Variants in VWF observed in about 807,000 individuals in gnomAD.
The protein encoded by VWF is von Willebrand factor.
VWF carries 176 observed loss-of-function variants against 308.6 expected under a neutral mutation model. That is an observed-to-expected ratio of 0.57 (90% CI 0.50 to 0.65). The LOEUF is 0.65. Among genes scored for constraint, VWF ranks in the 30% least tolerant of loss-of-function variants. The pLI is 0.00. For missense variants in VWF, 3,146 were observed against 3,648.2 expected (o/e 0.86, Z 3.55); for synonymous variants, 1,385 against 1,443.4 (o/e 0.96, Z 0.92).
chr12:6,123,041 G>GCA, intron 2 of VWF, 101 bp downstream of exon 2: 1 of 1,460,188 alleles, frequency 6.8e-7, no homozygotes, highest in South Asian at 1.1e-5. Flanking sequence ...TTAGGGCTGG[G>GCA]CACACAGGTG....
chr12:6,123,706 G>T (rs1945457439), intron 1 of VWF, among the ~76,000 whole-genome samples: 1 of 152,174 alleles, frequency 6.6e-6, no homozygotes, highest in Non-Finnish European at 1.5e-5. Context: ...AAGAGCAAAG[G>T]CTGTCTCCCT....
chr12:6,036,446 A>C lies in VWF; in HGVS notation c.2488T>G (p.Phe830Val). ...RCVALERCPC[F>V]HQGKEYAPGE... ...GGGGCATACTCCTTGCCCTGATGGAAGCAGGGACACCTTTCCAGGGCCACA... is the reference window on the plus strand; with the variant it reads ...GGGGCATACTCCTTGCCCTGATGGACGCAGGGACACCTTTCCAGGGCCACA... Residue 830 changes from phenylalanine (F) to valine (V), a missense_variant, in exon 19 of 52, where the codon TTC becomes GTC. Coordinates refer to ENST00000261405, the MANE Select transcript of VWF (RefSeq NM_000552.5). 6.2e-7 allele frequency: 1 copy of C among 1,614,232 alleles called. No individual in the cohort carries two copies. The highest frequency in any genetic ancestry group is 1.1e-5 in the South Asian group (1 of 91,086).
intron 43 of VWF, among the ~76,000 whole-genome samples, chr12:5,971,927 T>C (rs1943482262): frequency 6.6e-6 from 1 of 152,204 alleles, no homozygotes; most frequent in Admixed American, 6.5e-5. Context: ...GATATAATTC[T>C]GCCCCCTGAA....
chr12:6,112,728 C>G (rs1466744521), intron 3 of VWF, among the ~76,000 whole-genome samples: 1 of 152,008 alleles, frequency 6.6e-6, no homozygotes, highest in Non-Finnish European at 1.5e-5. Flanking sequence ...GGAGCTGGGG[C>G]AGAGGTCTCC....
Position 5,968,135 on chromosome 12 carries a change from C to G in VWF, c.7762G>C (p.Val2588Leu). ...AGAGGACAGCGGCTCACCCCAATGA[C>G]AGTGCCATTGAGCATGCAGGCCTCC... ...RMEACMLNGTVIGPGKTVMID... is the reference protein window; with the variant it reads ...RMEACMLNGTLIGPGKTVMID... The change falls in exon 46 of 52, where the codon GTC becomes CTC. Residue 2588 changes from valine to leucine, a missense_variant. Physicochemically the swap from Val to Leu is conservative, Grantham distance 32 (BLOSUM62 1). Transcript: ENST00000261405. 6.2e-7 allele frequency: 1 copy of G among 1,614,158 alleles called. No homozygotes were observed.
In VWF at chr12:5,994,052, G is replaced by A; in HGVS notation, c.6408C>T (p.Ser2136=). Residue 2136 remains serine (S), a synonymous_variant, in exon 37 of 52, where the codon AGC becomes AGT. Coordinates refer to ENST00000261405, the MANE Select transcript of VWF (RefSeq NM_000552.5). ...GTAAGAGGAGGACCTGGCAGTGGGA[G>A]CTGTCGGGGACAAGACACTGCTCCT... ...ILEEQCLVPD[S]SHCQVLLLPL... 1 of 1,614,208 alleles carries A rather than the reference G, an allele frequency of 6.2e-7. No homozygotes were observed. Among genetic ancestry groups the A allele is most frequent in the African/African-American group, 1.3e-5 (1 of 75,042 alleles).
chr12:6,090,050 C>T (rs1387165586), intron 6 of VWF, among the ~76,000 whole-genome samples: 1 of 152,110 alleles, frequency 6.6e-6, no homozygotes, highest in African/African-American at 2.4e-5. Flanking sequence ...CTCTGCCTCC[C>T]AGGTTCATGC....
intron 50 of VWF, among the ~76,000 whole-genome samples, chr12:5,950,426 A>T (rs1465096140): frequency 6.6e-6 from 1 of 152,044 alleles, no homozygotes; most frequent in African/African-American, 2.4e-5. Context: ...GGTTGCTGAC[A>T]TGGGGGTTTC....
chr12:6,027,338 C>T (rs1944206696), intron 22 of VWF, among the ~76,000 whole-genome samples: 1 of 152,240 alleles, frequency 6.6e-6, no homozygotes, highest in Admixed American at 6.5e-5. Flanking sequence ...CTCATTCCCT[C>T]CCTTCCCCAA....
rs61750112 is a variant in VWF at position 6,018,722 on chromosome 12, G to A, written c.4696C>T (p.Arg1566Ter). ...QSKGDILQRV[R>*]EIRYQGGNRT... ...TTGCCGCCCTGGTAGCGGATCTCTC[G>A]CACCCGCTGCAGGATGTCCCCTTTG... The change falls in exon 28 of 52, where the codon CGA (arginine) becomes TGA (stop). Residue 1566 changes from arginine to a stop codon, truncating the protein, a stop_gained. Transcript: ENST00000261405. LOFTEE classifies it high-confidence loss of function. The A allele has an allele frequency of 4.3e-6, 7 of 1,613,324 alleles. No homozygotes were observed. The highest frequency in any genetic ancestry group is 1.3e-5 in the African/African-American group (1 of 74,998).
chr12:6,071,150 A>T, intron 10 of VWF, 147 bp downstream of exon 10: 2 of 858,886 alleles, frequency 2.3e-6, no homozygotes, highest in South Asian at 2.8e-5. Flanking sequence ...CTGAAACCAG[A>T]GCTGGGGTCA....
Position 6,104,847 on chromosome 12 carries a change from A to T in VWF, c.532+5527T>A, listed in dbSNP as rs1453692543. ...TCACAATAGCAAAGACATGGTATGA[A>T]CCTAAATGCCCATCAACAGATGATT... On this transcript the variant is annotated intron_variant, in intron 5 of 51. Coordinates refer to ENST00000261405, the MANE Select transcript of VWF (RefSeq NM_000552.5). Among the ~76,000 whole-genome samples, 8 of 152,246 alleles carry T rather than the reference A, an allele frequency of 5.3e-5. 1 individual carries two copies. Among genetic ancestry groups the T allele is most frequent in the Admixed American group, 5.2e-4 (8 of 15,276 alleles).
intron 34 of VWF, among the ~76,000 whole-genome samples, chr12:6,009,415 G>A (rs1420322640): frequency 3.2e-5 from 4 of 123,344 alleles, no homozygotes; most frequent in African/African-American, 6.2e-5. Context: ...GTGCTAGAAT[G>A]GCCATTATCA....
chr12:6,031,718 C>G lies in VWF; in HGVS notation c.2686-140G>C, dbSNP rs59200484. On this transcript the variant is annotated intron_variant, in intron 20 of 51. Coordinates refer to ENST00000261405, the MANE Select transcript of VWF (RefSeq NM_000552.5). ...CGTCCATGGCTGCGCATATGTGCCT[C>G]TGTGTGTGTCTGGGGGACGGGGGAT... 8.0e-3 allele frequency: 10,610 copies of G among 1,327,032 alleles called. 673 individuals carry two copies. The African/African-American group carries it at 0.14, about 17-fold the overall frequency. 82.2% of individuals were successfully genotyped at this position (1,327,032 alleles called of 1,614,324 possible). A position where few individuals can be genotyped will look rare whatever the true frequency, so the allele number is the denominator to read the frequency against.
chr12:6,037,850 G>A (rs1300816211), intron 18 of VWF, among the ~76,000 whole-genome samples: 2 of 144,918 alleles, frequency 1.4e-5, no homozygotes, highest in Non-Finnish European at 3.1e-5. Flanking sequence ...ATCTTGGGCT[G>A]AACAAAGGGC....
chr12:6,067,602 G>C (rs1053659785), intron 10 of VWF, among the ~76,000 whole-genome samples: 2 of 152,180 alleles, frequency 1.3e-5, no homozygotes, highest in African/African-American at 4.8e-5. Flanking sequence ...CAGGAAAATG[G>C]GTGGGTGAGC....
intron 20 of VWF, 25 bp downstream of exon 20, chr12:6,034,663 C>T: frequency 6.2e-7 from 1 of 1,613,808 alleles, no homozygotes; most frequent in Non-Finnish European, 8.5e-7. Context: ...AAACAGCACC[C>T]TCTCCCCATC....
At position 6,064,259 on chromosome 12, in the gene VWF, G is replaced by T; in HGVS notation, c.1419C>A (p.Leu473=). 6.2e-7 allele frequency: 1 copy of T among 1,614,170 alleles called. No homozygotes were observed. ...GVAMDGQDVQ[L]PLLKGDLRIQ... ...GACGAAGCATACCTTTCAGGAGGGG[G>T]AGCTGGACGTCCTGGCCATCCATGG... is the stretch of plus-strand genomic sequence containing the variant. Residue 473 remains leucine (L), a synonymous_variant, in exon 12 of 52, where the codon CTC becomes CTA. Transcript: ENST00000261405.
At chr12:6,095,068 G>C (rs1294064995) in intron 6 of VWF, among the ~76,000 whole-genome samples, 1 of 151,950 alleles carries the variant, frequency 6.6e-6, no homozygotes, top group Non-Finnish European at 1.5e-5. Context: ...AAAGTGCTGG[G>C]ATTACAGGAA....
Sources: gnomAD v4.1 joint callset for allele counts (sites outside exome capture counted in the v4.1 genomes callset) on GRCh38, gnomAD v4.1.1 for gene constraint, MANE v1.5 for transcripts, NCBI Gene and HGNC (gene_info 2026-07-23, HGNC 2026-07-21) for gene names.